Variants in PDE4D observed in about 807,000 individuals in gnomAD.
PDE4D encodes 3',5'-cyclic-AMP phosphodiesterase 4D.
Under a neutral mutation model 87.4 loss-of-function variants are expected in PDE4D, and 24 were observed. The ratio of observed to expected loss-of-function variants is 0.27; its 90% CI spans 0.20 to 0.39. The LOEUF (loss-of-function observed/expected upper bound fraction) is 0.39, where lower values mean the gene tolerates loss of function less well. Ranked by LOEUF, PDE4D falls within the 10% of genes least tolerant of loss-of-function variation. The probability of loss-of-function intolerance (pLI) is 1.00; values close to 1 mark genes in which losing one functional copy is unlikely to be tolerated. For synonymous variants in PDE4D, 384 were observed against 383.2 expected, an observed-to-expected ratio of 1.00 and a Z score of -0.02; for missense variants, 714 against 1,041.0, an observed-to-expected ratio of 0.69 and a Z score of 4.32.
intron 5 of PDE4D, among the ~76,000 whole-genome samples, chr5:59,090,573 A>T (rs1280482070): frequency 6.6e-6 from 1 of 152,128 alleles, no homozygotes; most frequent in Non-Finnish European, 1.5e-5. Flanking sequence ...CGCTATCATC[A>T]TCTCTTTTAT....
intron 2 of PDE4D, among the ~76,000 whole-genome samples, chr5:60,143,604 TGTGTG>T: frequency 7.6e-5 from 1 of 13,196 alleles, no homozygotes; most frequent in African/African-American, 3.5e-4. Flanking sequence ...GCTTGGGAAT[TGTGTG>T]TGTGTGTGTG....
At chr5:59,172,118 T>C (rs1394901571) in intron 5 of PDE4D, among the ~76,000 whole-genome samples, 2 of 82,284 alleles carry the variant, frequency 2.4e-5, no homozygotes, top group African/African-American at 1.0e-4. Flanking sequence ...ATATAATAAA[T>C]ATATATTATA....
chr5:60,360,136 C>T (rs1759940362), intron 1 of PDE4D, among the ~76,000 whole-genome samples: 1 of 152,194 alleles, frequency 6.6e-6, no homozygotes, highest in Admixed American at 6.5e-5. Flanking sequence ...TCTCCTCTAT[C>T]TGTGACCTGG....
At chr5:60,431,779 C>T (rs570956020) in intron 1 of PDE4D, among the ~76,000 whole-genome samples, 1 of 152,374 alleles carries the variant, frequency 6.6e-6, no homozygotes, top group Non-Finnish European at 1.5e-5. Context: ...CCAGCCTGGG[C>T]ACCACTGAGC....
chr5:59,293,827 T>C (rs1768524217), intron 1 of PDE4D, among the ~76,000 whole-genome samples: 1 of 152,148 alleles, frequency 6.6e-6, no homozygotes, highest in Non-Finnish European at 1.5e-5. Context: ...GGGAGTCACA[T>C]ACCACTGAAG....
chr5:59,527,644 C>T (rs61678540), intron 1 of PDE4D, among the ~76,000 whole-genome samples: 3,581 of 152,224 alleles, frequency 0.024, 152 homozygotes, highest in African/African-American at 0.083. Context: ...GCCAGCTTTC[C>T]AAACCTTCCA....
intron 1 of PDE4D, chr5:59,558,604 T>A (rs1389192217): frequency 6.6e-6 from 1 of 152,048 alleles, no homozygotes; most frequent in Non-Finnish European, 1.5e-5. Context: ...TAGAGAAAAG[T>A]AAGGGATTGA....
chr5:59,077,588 C>T (rs1227380605), intron 5 of PDE4D, among the ~76,000 whole-genome samples: 2 of 151,704 alleles, frequency 1.3e-5, no homozygotes, highest in African/African-American at 4.8e-5. Context: ...CTGCATCAGC[C>T]CCCTGAGTAG....
At chr5:59,426,391 T>C (rs1795209003) in intron 1 of PDE4D, among the ~76,000 whole-genome samples, 1 of 152,182 alleles carries the variant, frequency 6.6e-6, no homozygotes, top group Non-Finnish European at 1.5e-5. Flanking sequence ...TCACTCACAC[T>C]TACTGTATTC....
intron 2 of PDE4D, among the ~76,000 whole-genome samples, chr5:60,080,474 T>C (rs1345898647): frequency 6.6e-6 from 1 of 152,214 alleles, no homozygotes; most frequent in East Asian, 1.9e-4. Context: ...TCAAATGGAA[T>C]GCTTCCAGGT....
chr5:59,482,058 AT>A (rs1214242787), intron 1 of PDE4D, among the ~76,000 whole-genome samples: 1 of 152,048 alleles, frequency 6.6e-6, no homozygotes, highest in Non-Finnish European at 1.5e-5. Context: ...ATAAAAAAAA[AT>A]TTCTTTTCAA....
intron 5 of PDE4D, among the ~76,000 whole-genome samples, chr5:59,042,422 G>A (rs1293144563): frequency 2.0e-5 from 3 of 152,102 alleles, no homozygotes; most frequent in Admixed American, 1.3e-4. Context: ...ACAGCTAGCA[G>A]GACAAAAACA....
chr5:59,356,881 G>A (rs761864938), intron 1 of PDE4D: 36 of 1,520,182 alleles, frequency 2.4e-5, no homozygotes, highest in East Asian at 1.9e-4. Flanking sequence ...CAGGAACCAC[G>A]AGAAGTCAGA....
At chr5:60,358,406 C>T (rs901748555) in intron 1 of PDE4D, among the ~76,000 whole-genome samples, 1 of 152,152 alleles carries the variant, frequency 6.6e-6, no homozygotes, top group Non-Finnish European at 1.5e-5. Context: ...GTTCTCTTAA[C>T]CATCTTGGGT....
chr5:60,048,228 C>G (rs1044612925), intron 2 of PDE4D, among the ~76,000 whole-genome samples: 1 of 152,038 alleles, frequency 6.6e-6, no homozygotes, highest in African/African-American at 2.4e-5. Context: ...GTAGATCTTC[C>G]TCCATCCTTT....
chr5:59,614,719 A>C (rs1368937323), intron 1 of PDE4D, among the ~76,000 whole-genome samples: 1 of 152,170 alleles, frequency 6.6e-6, no homozygotes, highest in African/African-American at 2.4e-5. Context: ...ATGGATGAAA[A>C]GTTTTAAAGC....
chr5:59,376,010 A>G (rs1021181083), intron 1 of PDE4D, among the ~76,000 whole-genome samples: 1 of 152,230 alleles, frequency 6.6e-6, no homozygotes, highest in Non-Finnish European at 1.5e-5. Flanking sequence ...AAAACTCTCA[A>G]TAAACTAGGT....
intron 3 of PDE4D, among the ~76,000 whole-genome samples, chr5:59,973,620 A>C (rs1236039925): frequency 1.3e-5 from 2 of 152,174 alleles, no homozygotes; most frequent in Non-Finnish European, 2.9e-5. Context: ...TTATAAGCCA[A>C]AATAAGAAGA....
At chr5:59,488,000 A>G (rs181404661) in intron 1 of PDE4D, among the ~76,000 whole-genome samples, 1 of 152,088 alleles carries the variant, frequency 6.6e-6, no homozygotes, top group East Asian at 1.9e-4. Context: ...GTGTACACAG[A>G]GACACAGAGA....
Sources: allele counts gnomAD v4.1 joint callset (sites outside exome capture counted in the v4.1 genomes callset), GRCh38; gene constraint gnomAD v4.1.1; transcripts MANE v1.5; gene names NCBI Gene and HGNC (gene_info 2026-07-23, HGNC 2026-07-21).